The following SRP54 variants were observed in gnomAD, a reference collection of about 807,000 sequenced individuals.
SRP54 encodes the protein signal recognition particle subunit SRP54.
In SRP54, 10 loss-of-function variants were observed where a neutral mutation model predicts 64.8. The observed-to-expected ratio is 0.15, with a 90% CI of 0.10 to 0.26. The LOEUF (loss-of-function observed/expected upper bound fraction) is 0.26. Ranked by LOEUF, SRP54 falls within the 10% of genes least tolerant of loss-of-function variation. The pLI, the probability that SRP54 is intolerant of heterozygous loss-of-function variation, is 1.00. For synonymous variants in SRP54, 193 were observed against 185.6 expected (o/e 1.04, Z -0.32); for missense variants, 325 against 613.7 (o/e 0.53, Z 4.97).
Position 35,029,256 on chromosome 14 carries a change from C to T in SRP54, c.*104C>T, listed in dbSNP as rs2044685690. On this transcript the variant is annotated 3_prime_UTR_variant, in exon 16 of 16. Transcript: ENST00000216774. ...TTGGGGGGAAAGTGTATTTTTCTTG[C>T]TTATCATGCACTCTTTCCTTTTCTT... 1.3e-6 allele frequency: 1 copy of T among 780,328 alleles called. No homozygotes were observed. The highest frequency in any genetic ancestry group is 1.8e-5 in the South Asian group (1 of 54,746). 48.3% of individuals were successfully genotyped at this position (780,328 alleles called of 1,614,324 possible).
At chr14:34,995,137 GTGTGTGT>G (rs2044049397) in intron 1 of SRP54, among the ~76,000 whole-genome samples, 7 of 25,730 alleles carry the variant, frequency 2.7e-4, no homozygotes, top group African/African-American at 9.2e-4. Flanking sequence ...AATAAAGGGT[GTGTGTGT>G]GTGTGTGTGT....
At position 34,996,905 on chromosome 14, in the gene SRP54, A is replaced by G. The variant is rs1423467923; in HGVS notation, c.78+118A>G. 14 of 703,192 alleles carry G rather than the reference A, an allele frequency of 2.0e-5. 1 individual carries two copies. In the Admixed American group the frequency reaches 2.8e-4, roughly 14 times the overall value. 43.6% of individuals were successfully genotyped at this position (703,192 alleles called of 1,614,324 possible). A position where few individuals can be genotyped will look rare whatever the true frequency, so the allele number is the denominator to read the frequency against. ...TTTGATGTAGACTTAATACTTGTAG[A>G]TAAAAGCCTAAAAGTGGATACAGTA... is the stretch of plus-strand genomic sequence containing the variant. On this transcript the variant is annotated intron_variant, in intron 2 of 15. Transcript: ENST00000216774.
At chr14:35,022,643 C>T (rs117511548) in intron 13 of SRP54, among the ~76,000 whole-genome samples, 27 of 152,304 alleles carry the variant, frequency 1.8e-4, no homozygotes, top group Non-Finnish European at 2.6e-4. Context: ...GCATGAGCCA[C>T]CACGCCTGGC....
intron 4 of SRP54, among the ~76,000 whole-genome samples, chr14:35,003,263 A>G (rs2044205552): frequency 6.6e-6 from 1 of 152,168 alleles, no homozygotes; most frequent in African/African-American, 2.4e-5. Flanking sequence ...ATACTAAGAC[A>G]TTATTTGACT....
At chr14:35,011,450 G>A (rs1013962140) in intron 7 of SRP54, 59 bp from the exon 8 acceptor site, 25 of 1,275,742 alleles carry the variant, frequency 2.0e-5, no homozygotes, top group African/African-American at 1.1e-4. Context: ...TTAACTTTCC[G>A]AATTAGTAGT....
At chr14:35,000,576 GAAA>G (rs1216602155) in intron 3 of SRP54, among the ~76,000 whole-genome samples, 1 of 146,318 alleles carries the variant, frequency 6.8e-6, no homozygotes, top group Non-Finnish European at 1.5e-5. Context: ...AAAAAAAAAA[GAAA>G]AAAGAAAGAA....
intron 11 of SRP54, among the ~76,000 whole-genome samples, chr14:35,015,689 T>C (rs1327912097): frequency 6.6e-6 from 1 of 152,234 alleles, no homozygotes; most frequent in East Asian, 1.9e-4. Context: ...AAACACTCAA[T>C]GTATATTATT....
chr14:34,996,901 G>A, intron 2 of SRP54, 114 bp downstream of exon 2: 1 of 722,932 alleles, frequency 1.4e-6, no homozygotes, highest in Non-Finnish European at 2.3e-6. Flanking sequence ...CTTAATACTT[G>A]TAGATAAAAG....
In SRP54 at chr14:35,022,854, A is replaced by C; in HGVS notation, c.1157-56A>C. 5.5e-6 allele frequency: 8 copies of C among 1,465,058 alleles called. 1 individual carries two copies. In the South Asian group the frequency reaches 1.2e-4, roughly 21 times the overall value. 90.8% of individuals were successfully genotyped at this position (1,465,058 alleles called of 1,614,324 possible). On this transcript the variant is annotated intron_variant, in intron 13 of 15. Transcript: ENST00000216774. Reference sequence around the variant, plus strand: ...AGTTATATATTGCCCATTTGCACATAACTGCTTTGATGGTGAATGATAATT... The same window carrying C: ...AGTTATATATTGCCCATTTGCACATCACTGCTTTGATGGTGAATGATAATT...
intron 8 of SRP54, among the ~76,000 whole-genome samples, chr14:35,012,945 T>TG (rs1451720686): frequency 2.3e-4 from 34 of 147,946 alleles, no homozygotes; most frequent in Non-Finnish European, 3.4e-4. Context: ...GTTGTAGTTT[T>TG]TTTTTTTTTT....
intron 1 of SRP54, chr14:34,993,230 A>G (rs998803322): frequency 6.6e-6 from 1 of 152,230 alleles, no homozygotes; most frequent in Non-Finnish European, 1.5e-5. Context: ...TTGTGGTGTC[A>G]TAAATAGGAT....
At chr14:35,008,409 A>G (rs2044301140) in intron 5 of SRP54, among the ~76,000 whole-genome samples, 1 of 152,188 alleles carries the variant, frequency 6.6e-6, no homozygotes, top group Non-Finnish European at 1.5e-5. Flanking sequence ...ATCATTTGCT[A>G]CTTGATCATT....
intron 2 of SRP54, among the ~76,000 whole-genome samples, chr14:34,998,198 G>A (rs1192785668): frequency 6.6e-6 from 1 of 152,130 alleles, no homozygotes; most frequent in Non-Finnish European, 1.5e-5. Flanking sequence ...GAGGGCCTAT[G>A]TTTTTGCAGA....
chr14:35,018,983 T>G lies in SRP54; in HGVS notation c.1065T>G (p.Phe355Leu), dbSNP rs2044483660. 6.2e-7 allele frequency: 1 copy of G among 1,613,834 alleles called. No individual in the cohort carries two copies. The highest frequency in any genetic ancestry group is 8.5e-7 in the Non-Finnish European group (1 of 1,179,844). ...FSQILGMIPGFGTDFMSKGNE... is the reference protein window; with the variant it reads ...FSQILGMIPGLGTDFMSKGNE... The stretch of plus-strand genomic sequence containing the variant: ...TGTTGTAGGGGATGATCCCTGGTTT[T>G]GGGACAGATTTTATGAGCAAAGGAA... The change falls in exon 13 of 16, where the codon TTT becomes TTG. Residue 355 changes from phenylalanine (F) to leucine (L), a missense_variant. Transcript: ENST00000216774.
chr14:35,015,420 G>T (rs2044422850), intron 11 of SRP54, among the ~76,000 whole-genome samples: 1 of 152,120 alleles, frequency 6.6e-6, no homozygotes, highest in Non-Finnish European at 1.5e-5. Flanking sequence ...AGAACACAAG[G>T]ATGAAATTAA....
At chr14:35,007,135 G>A (rs989378945) in intron 4 of SRP54, 148 bp from the exon 5 acceptor site, 9 of 391,962 alleles carry the variant, frequency 2.3e-5, no homozygotes. Context: ...TGAGGCTGCA[G>A]TGAGCTCTGA....
chr14:35,000,862 A>C, intron 3 of SRP54, 74 bp from the exon 4 acceptor site: 9 of 695,774 alleles, frequency 1.3e-5, no homozygotes, highest in Non-Finnish European at 2.1e-5. Context: ...TCTTTGGAGC[A>C]GAAGCTTCTT....
intron 1 of SRP54, among the ~76,000 whole-genome samples, chr14:34,988,576 A>T (rs868797474): frequency 0.031 from 2,561 of 83,086 alleles, 179 homozygotes; most frequent in African/African-American, 0.092. Flanking sequence ...AAAAAAAAAA[A>T]AAATATATAT....
intron 2 of SRP54, 190 bp downstream of exon 2, chr14:34,996,977 A>C: frequency 2.4e-6 from 1 of 412,932 alleles, no homozygotes. Flanking sequence ...ATTTACTTCA[A>C]CTTTCTATAA....
Sources: gnomAD v4.1 joint callset for allele counts (sites outside exome capture counted in the v4.1 genomes callset) on GRCh38, gnomAD v4.1.1 for gene constraint, MANE v1.5 for transcripts, NCBI Gene and HGNC (gene_info 2026-07-23, HGNC 2026-07-21) for gene names.